Variants in UBIAD1 observed in about 807,000 individuals in gnomAD.
The protein encoded by UBIAD1 is UbiA prenyltransferase domain containing 1.
A neutral mutation model predicts 20.1 loss-of-function variants in UBIAD1; 12 were observed. The ratio of observed to expected loss-of-function variants is 0.60; its 90% CI spans 0.38 to 0.97. The LOEUF is 0.97. Ranked by LOEUF, UBIAD1 falls within the 50% of genes least tolerant of loss-of-function variation. UBIAD1 has a pLI of 0.00. For missense variants in UBIAD1, 333 were observed against 419.5 expected (o/e 0.79, Z 1.80); for synonymous variants, 207 against 189.2 (o/e 1.09, Z -0.77).
rs1651836911 is a variant in UBIAD1 at position 11,273,229 on chromosome 1, C to A, written c.-303C>A. Reference sequence around the variant, plus strand: ...GGGCGGGCCTCCAGAGGCCGGCGCACAAGATGGCGGCTCTGGCGGCCTAAA... The same window carrying A: ...GGGCGGGCCTCCAGAGGCCGGCGCAAAAGATGGCGGCTCTGGCGGCCTAAA... On this transcript the variant is annotated 5_prime_UTR_variant, in exon 1 of 2. Coordinates refer to ENST00000376810, the MANE Select transcript of UBIAD1 (RefSeq NM_013319.3). The surrounding 1 kb of genome is among the most constrained non-coding windows in gnomAD (Gnocchi z 4.9). 7.5e-6 allele frequency: 3 copies of A among 398,514 alleles called. No individual in the cohort carries two copies. Among genetic ancestry groups the A allele is most frequent in the African/African-American group, 6.3e-5 (3 of 47,274 alleles). The allele number at this position is 398,514 out of a possible 1,614,324, so 24.7% of individuals were successfully genotyped here. A position where few individuals can be genotyped will look rare whatever the true frequency, so the allele number is the denominator to read the frequency against.
Position 11,281,229 on chromosome 1 carries a change from C to T in UBIAD1, c.530-4415C>T, listed in dbSNP as rs184961888. On this transcript the variant is annotated intron_variant, in intron 1 of 1. Coordinates refer to ENST00000376810, the MANE Select transcript of UBIAD1 (RefSeq NM_013319.3). ...CTGCTCAGTGAGGCCTTGCTTTCTA[C>T]CTTGCTTAAAATTACACACCCACTC... 1.6e-3 allele frequency among the ~76,000 whole-genome samples: 238 copies of T among 152,298 alleles called. 2 individuals are homozygous for T. The highest frequency in any genetic ancestry group is 5.3e-3 in the African/African-American group (220 of 41,558).
At chr1:11,284,658 T>C (rs968242890) in intron 1 of UBIAD1, among the ~76,000 whole-genome samples, 1 of 152,150 alleles carries the variant, frequency 6.6e-6, no homozygotes, top group Admixed American at 6.5e-5. Context: ...GAGATGGGGT[T>C]TCACCCTGTT....
chr1:11,280,949 C>T (rs960689098), intron 1 of UBIAD1, among the ~76,000 whole-genome samples: 2 of 152,154 alleles, frequency 1.3e-5, no homozygotes, highest in Non-Finnish European at 2.9e-5. Flanking sequence ...AGGGTCTTTA[C>T]AGTGACTCCC....
chr1:11,280,750 A>G (rs1652215720), intron 1 of UBIAD1, among the ~76,000 whole-genome samples: 1 of 152,198 alleles, frequency 6.6e-6, no homozygotes, highest in South Asian at 2.1e-4. Context: ...TACCGTGTCC[A>G]GCCACCACTG....
intron 1 of UBIAD1, among the ~76,000 whole-genome samples, chr1:11,281,375 C>G (rs1236593550): frequency 2.0e-5 from 3 of 152,150 alleles, no homozygotes; most frequent in Non-Finnish European, 4.4e-5. Flanking sequence ...CCCCCTTCGA[C>G]TGCGAGCTCC....
Position 11,295,039 on chromosome 1 carries a change from C to A in UBIAD1, c.*156C>A, listed in dbSNP as rs1460677511. The A allele has an allele frequency of 7.2e-6, 5 of 690,662 alleles. No individual in the cohort carries two copies. In the African/African-American group the frequency reaches 8.8e-5, roughly 12 times the overall value. 42.8% of individuals were successfully genotyped at this position (690,662 alleles called of 1,614,324 possible). A position where few individuals can be genotyped will look rare whatever the true frequency, so the allele number is the denominator to read the frequency against. ...CTTCCTGCCTCGGGGTGGGCAGCATCTGGAGCTGACAATTGTATGCATGTT... is the reference window on the plus strand; with the variant it reads ...CTTCCTGCCTCGGGGTGGGCAGCATATGGAGCTGACAATTGTATGCATGTT... On this transcript the variant is annotated 3_prime_UTR_variant, in exon 2 of 2. Transcript: ENST00000376804.
intron 1 of UBIAD1, among the ~76,000 whole-genome samples, chr1:11,280,205 G>A (rs1206830416): frequency 1.3e-5 from 2 of 152,134 alleles, no homozygotes; most frequent in African/African-American, 4.8e-5. Context: ...AGGGCTGAAG[G>A]ACCACTAAGT....
At chr1:11,277,748 A>G (rs1652100399) in intron 1 of UBIAD1, among the ~76,000 whole-genome samples, 1 of 152,084 alleles carries the variant, frequency 6.6e-6, no homozygotes, top group African/African-American at 2.4e-5. Flanking sequence ...CCGGGGTTCA[A>G]GCAGTTCTGC....
At chr1:11,291,566 C>T (rs1182004583), downstream of UBIAD1, among the ~76,000 whole-genome samples, 1 of 144,464 alleles carries the variant, frequency 6.9e-6, no homozygotes, top group Non-Finnish European at 1.5e-5. Context: ...AAGATCGTGC[C>T]ACTGCACTCC....
At chr1:11,292,693 AC>A (rs1638386448), downstream of UBIAD1, among the ~76,000 whole-genome samples, 2 of 151,548 alleles carry the variant, frequency 1.3e-5, no homozygotes, top group Non-Finnish European at 2.9e-5. Flanking sequence ...ACACACACAC[AC>A]ACACACACAC....
chr1:11,297,754 T>A (rs770180566), downstream of UBIAD1, among the ~76,000 whole-genome samples: 47 of 151,918 alleles, frequency 3.1e-4, no homozygotes, highest in Non-Finnish European at 6.3e-4. Context: ...GCTGAAGAAG[T>A]CCTGGATGGA....
At position 11,273,271 on chromosome 1, in the gene UBIAD1, C is replaced by T; in HGVS notation, c.-261C>T. The T allele has an allele frequency of 1.9e-6, 1 of 521,500 alleles. No homozygotes were observed. Among genetic ancestry groups the T allele is most frequent in the Non-Finnish European group, 3.4e-6 (1 of 290,708 alleles). The allele number at this position is 521,500 out of a possible 1,614,324, so 32.3% of individuals were successfully genotyped here. A position where few individuals can be genotyped will look rare whatever the true frequency, so the allele number is the denominator to read the frequency against. ...CGGCCTAAAGAAGGCGGCCGCGGCT[C>T]AGCCGTGGGCTCTAACGCGGGGCTG... On this transcript the variant is annotated 5_prime_UTR_variant, in exon 1 of 2. Transcript: ENST00000376810. The surrounding 1 kb of genome is among the most constrained non-coding windows in gnomAD (Gnocchi z 4.9).
downstream of UBIAD1, among the ~76,000 whole-genome samples, chr1:11,291,593 C>T (rs1169497603): frequency 7.7e-6 from 1 of 130,540 alleles, no homozygotes; most frequent in Non-Finnish European, 1.5e-5. Flanking sequence ...GGTGACAGAG[C>T]GAGACTTCAT....
intron 1 of UBIAD1, chr1:11,279,121 C>T (rs563646443): frequency 4.6e-6 from 1 of 215,090 alleles, no homozygotes; most frequent in Non-Finnish European, 1.0e-5. Flanking sequence ...TCCTTGGCCT[C>T]CCAAAGTTCT....
rs1377403729 is a variant in UBIAD1, at chr1:11,287,790, G to T, written c.*1659G>T. The T allele has an allele frequency of 6.6e-6, 1 of 152,186 alleles. No homozygotes were observed. The highest frequency in any genetic ancestry group is 1.5e-5 in the Non-Finnish European group (1 of 68,064). The allele number at this position is 152,186 out of a possible 1,614,324, so 9.4% of individuals were successfully genotyped here. A position where few individuals can be genotyped will look rare whatever the true frequency, so the allele number is the denominator to read the frequency against. On this transcript the variant is annotated 3_prime_UTR_variant, in exon 2 of 2. Transcript: ENST00000376810. ...TAAAAATACAAAAAATTAGCCAGGC[G>T]TGTTGGCGGGCGCCTGTAGTCCCAG...
At chr1:11,284,542 G>T (rs1377593781) in intron 1 of UBIAD1, among the ~76,000 whole-genome samples, 1 of 152,172 alleles carries the variant, frequency 6.6e-6, no homozygotes, top group Non-Finnish European at 1.5e-5. Context: ...TTGGCTTACT[G>T]CAACCTCTGC....
chr1:11,283,022 G>T (rs1012339077), intron 1 of UBIAD1, among the ~76,000 whole-genome samples: 1 of 149,300 alleles, frequency 6.7e-6, no homozygotes, highest in African/African-American at 2.5e-5. Context: ...CACTACACCC[G>T]GCTAATTTTT....
At chr1:11,298,911 C>T (rs935770491), downstream of UBIAD1, among the ~76,000 whole-genome samples, 1 of 152,204 alleles carries the variant, frequency 6.6e-6, no homozygotes, top group African/African-American at 2.4e-5. This position sits in a 1 kb window ranked among gnomAD's most constrained non-coding sequence, Gnocchi z 4.0. Context: ...CAGCTTGGCA[C>T]AGAGGCTGGG....
chr1:11,294,470 C>T (rs577481958), intron 1 of UBIAD1, among the ~76,000 whole-genome samples: 1 of 152,310 alleles, frequency 6.6e-6, no homozygotes, highest in Non-Finnish European at 1.5e-5. Context: ...CCCCTCATCT[C>T]TCTTGCCCTG....
Sources: allele counts gnomAD v4.1 joint callset (sites outside exome capture counted in the v4.1 genomes callset), GRCh38; gene constraint gnomAD v4.1.1; non-coding constraint Gnocchi (gnomAD v3.1); transcripts MANE v1.5; gene names NCBI Gene and HGNC (gene_info 2026-07-23, HGNC 2026-07-21).